TMEM259: variants seen among roughly 807,000 people sequenced by gnomAD.
The protein encoded by TMEM259 is membralin.
Under a neutral mutation model 46.7 loss-of-function variants are expected in TMEM259, and 26 were observed. The observed-to-expected ratio is 0.56, with a 90% confidence interval of 0.41 to 0.77. The LOEUF (loss-of-function observed/expected upper bound fraction) is 0.77. TMEM259 is among the 30% of genes least tolerant of loss of function. TMEM259 has a pLI of 0.00. For missense variants in TMEM259, 930 were observed against 900.5 expected (o/e 1.03, Z -0.42); for synonymous variants, 494 against 395.1 (o/e 1.25, Z -2.97).
intron 1 of TMEM259, among the ~76,000 whole-genome samples, chr19:1,016,498 C>T (rs2145601030): frequency 6.6e-6 from 1 of 152,376 alleles, no homozygotes; most frequent in South Asian, 2.1e-4. Flanking sequence ...CCCACACATC[C>T]AGCAGGAGCT....
chr19:1,018,952 C>T (rs1285514843), intron 1 of TMEM259, among the ~76,000 whole-genome samples: 2 of 149,976 alleles, frequency 1.3e-5, no homozygotes, highest in African/African-American at 4.9e-5. Context: ...CAAACCACTG[C>T]ACTCCAGCCT....
Position 1,011,485 on chromosome 19 carries a change from T to A in TMEM259, c.1099A>T (p.Met367Leu). The change falls in exon 9 of 11, where the codon ATG becomes TTG. Residue 367 changes from methionine to leucine, a missense_variant. Met to Leu is a conservative substitution (Grantham distance 15). Transcript: ENST00000356663. ...ILALVGMEAI[M>L]SEFFNDTTTA... is the part of the protein sequence containing the mutation. Reference sequence around the variant, plus strand: ...GTGGTGTCGTTGAAGAACTCCGACATGATGGCCTCCATCCCTGCAGGGAGA... The same window carrying A: ...GTGGTGTCGTTGAAGAACTCCGACAAGATGGCCTCCATCCCTGCAGGGAGA... 6.5e-7 allele frequency: 1 copy of A among 1,546,238 alleles called. No homozygotes were observed.
chr19:1,017,434 C>G, intron 1 of TMEM259: 1 of 400,308 alleles, frequency 2.5e-6, no homozygotes, highest in Non-Finnish European at 4.4e-6. Flanking sequence ...CACGGCCTTC[C>G]CACACGCTCT....
chr19:1,011,216 G>A (rs2240160), intron 9 of TMEM259, 21 bp from the exon 10 acceptor site: 340,286 of 1,567,526 alleles, frequency 0.22, 38,921 homozygotes, highest in East Asian at 0.45. Context: ...GGGTGAGGGC[G>A]TCGGGGCTGC....
chr19:1,012,292 G>A, intron 4 of TMEM259, 104 bp from the exon 5 acceptor site: 3 of 1,510,412 alleles, frequency 2.0e-6, no homozygotes, highest in African/African-American at 1.4e-5. Flanking sequence ...TCCTGGCCCT[G>A]CCCATTCTTA....
rs548752621 is a variant in TMEM259, at chr19:1,014,486, C to T, written c.226-13G>A. The T allele has an allele frequency of 1.9e-5, 31 of 1,600,370 alleles. No individual in the cohort carries two copies. Among genetic ancestry groups the T allele is most frequent in the African/African-American group, 2.7e-5 (2 of 74,778 alleles). On this transcript the variant is annotated splice_polypyrimidine_tract_variant and intron_variant, in intron 1 of 10. Coordinates refer to ENST00000356663, the MANE Select transcript of TMEM259 (RefSeq NM_001033026.2). The stretch of plus-strand genomic sequence containing the variant: ...GCACAAACAGGGCCTAGGGGGCGGC[C>T]GGCAGTCAGTGGGGCGCCCCAGGGC...
intron 4 of TMEM259, 68 bp downstream of exon 4, chr19:1,012,395 G>T (rs1027683067): frequency 2.0e-6 from 3 of 1,527,856 alleles, no homozygotes; most frequent in Non-Finnish European, 2.6e-6. Context: ...CGCACCAGCA[G>T]GAGGAGACCC....
At position 1,010,434 on chromosome 19, in the gene TMEM259, G is replaced by A. The variant is rs748974414; in HGVS notation, c.1779C>T (p.Asp593=). The A allele has an allele frequency of 1.3e-6, 2 of 1,533,590 alleles. No homozygotes were observed. Among genetic ancestry groups the A allele is most frequent in the Admixed American group, 4.3e-5 (2 of 46,652 alleles). 95.0% of individuals were successfully genotyped at this position (1,533,590 alleles called of 1,614,324 possible). ...CTACCGCAGCCCCCAGGGGAGTTGT[G>A]TCAGAAGCTGCGGAGTCACTCGGGG... is the stretch of plus-strand genomic sequence containing the variant. ...SVPPSDSAAS[D]TTPLGAAVGG... is the part of the protein sequence containing the mutation. The change falls in exon 11 of 11, where the codon GAC becomes GAT. Residue 593 remains aspartate, a synonymous_variant. Transcript: ENST00000356663.
rs2038848842 is a variant in TMEM259, at chr19:1,010,082, C to T, written c.*268G>A. ...CTCAGGACGGTTCACTGCAGACCTA[C>T]CAAGACCCCTCCAGAACCTTCCGCG... On this transcript the variant is annotated 3_prime_UTR_variant, in exon 11 of 11. Coordinates refer to ENST00000356663, the MANE Select transcript of TMEM259 (RefSeq NM_001033026.2). The T allele has an allele frequency of 4.3e-6, 2 of 466,226 alleles. No homozygotes were observed. 28.9% of individuals were successfully genotyped at this position (466,226 alleles called of 1,614,324 possible).
chr19:1,015,372 C>T (rs956826088), intron 1 of TMEM259, among the ~76,000 whole-genome samples: 2 of 152,208 alleles, frequency 1.3e-5, no homozygotes, highest in Admixed American at 1.3e-4. Flanking sequence ...CCCCGCAGTG[C>T]CCAGGACGGC....
intron 9 of TMEM259, 50 bp downstream of exon 9, chr19:1,011,316 CT>C: frequency 1.9e-6 from 3 of 1,546,454 alleles, no homozygotes; most frequent in South Asian, 1.2e-5. Flanking sequence ...TGGCAGCCCC[CT>C]ACCCCTGCCC....
chr19:1,011,369 C>A lies in TMEM259; in HGVS notation c.1215G>T (p.Leu405=), dbSNP rs751633008. The change falls in exon 9 of 11, where the codon CTG becomes CTT. Residue 405 remains leucine, a splice_region_variant and synonymous_variant. Transcript: ENST00000356663. ...CHTSTSKRHW[L]RFFYLYHFAF... is the part of the protein sequence containing the mutation. Reference sequence around the variant, plus strand: ...CCCTGCCCCCGCGCCACGCTCACCGCAGCCAATGCCGCTTGCTGGTGCTGG... The same window carrying A: ...CCCTGCCCCCGCGCCACGCTCACCGAAGCCAATGCCGCTTGCTGGTGCTGG... 6.4e-7 allele frequency: 1 copy of A among 1,573,100 alleles called. No homozygotes were observed. Among genetic ancestry groups the A allele is most frequent in the Non-Finnish European group, 8.6e-7 (1 of 1,161,000 alleles).
intron 1 of TMEM259, among the ~76,000 whole-genome samples, chr19:1,019,735 C>T (rs904132678): frequency 1.3e-5 from 2 of 152,218 alleles, no homozygotes; most frequent in Admixed American, 1.3e-4. Flanking sequence ...CATCGGACCC[C>T]TCTTTGCAGG....
chr19:1,016,768 G>C (rs1016352926), intron 1 of TMEM259, among the ~76,000 whole-genome samples: 1 of 152,194 alleles, frequency 6.6e-6, no homozygotes, highest in Non-Finnish European at 1.5e-5. Flanking sequence ...GGTTGCCCTG[G>C]GCAGGGTCAG....
At chr19:1,017,439 C>T (rs1199659576) in intron 1 of TMEM259, 9 of 400,236 alleles carry the variant, frequency 2.2e-5, no homozygotes, top group Non-Finnish European at 4.0e-5. Context: ...CCTTCCCACA[C>T]GCTCTCCAGC....
In TMEM259 at chr19:1,013,241, C is replaced by T; in HGVS notation, c.607G>A (p.Val203Met). 1.2e-6 allele frequency: 2 copies of T among 1,613,598 alleles called. No homozygotes were observed. The highest frequency in any genetic ancestry group is 1.7e-6 in the Non-Finnish European group (2 of 1,179,648). The change falls in exon 3 of 11, where the codon GTG (valine) becomes ATG (methionine). Residue 203 changes from valine to methionine, a missense_variant and splice_region_variant. Transcript: ENST00000356663. ...EFPFPETPTK[V>M]WPQDEYIVEY... ...AGTACACCTTTGGTGGGTGGCCTAC[C>T]TTTGGTGGGCGTCTCGGGGAAGGGG...
At position 1,020,786 on chromosome 19, in the gene TMEM259, A is replaced by G; in HGVS notation, c.211T>C (p.Phe71Leu). ...PPAFRRLFEF[F>L]VLLKALFVLF... ...GCCGCGGTCACCTTGAGCAGCACGA[A>G]GAACTCGAAGAGACGGCGGAAGGCG... Residue 71 changes from phenylalanine to leucine, a missense_variant, in exon 1 of 11, where the codon TTC (phenylalanine) becomes CTC (leucine). Coordinates refer to ENST00000356663, the MANE Select transcript of TMEM259 (RefSeq NM_001033026.2). This position sits in a 1 kb window ranked among gnomAD's most constrained non-coding sequence, Gnocchi z 4.0. The G allele has an allele frequency of 7.4e-7, 1 of 1,346,710 alleles. No homozygotes were observed. The highest frequency in any genetic ancestry group is 9.6e-7 in the Non-Finnish European group (1 of 1,044,556). 83.4% of individuals were successfully genotyped at this position (1,346,710 alleles called of 1,614,324 possible).
rs1363082929 is a variant in TMEM259 at position 1,012,107 on chromosome 19, A to G, written c.800T>C (p.Met267Thr). Residue 267 changes from methionine to threonine, a missense_variant, in exon 5 of 11, where the codon ATG becomes ACG. Coordinates refer to ENST00000356663, the MANE Select transcript of TMEM259 (RefSeq NM_001033026.2). ...DEFLGYDDIL[M>T]SSVKGLAENE... The stretch of plus-strand genomic sequence containing the variant: ...CTCGGCCAGGCCCTTCACGCTGGAC[A>G]TGAGGATGTCATCGTAGCCCAGGAA... The G allele has an allele frequency of 1.9e-6, 3 of 1,611,442 alleles. No individual in the cohort carries two copies. The highest frequency in any genetic ancestry group is 2.5e-6 in the Non-Finnish European group (3 of 1,179,328).
At chr19:1,014,058 G>A (rs1045772666) in intron 2 of TMEM259, 134 bp downstream of exon 2, 2 of 1,146,622 alleles carry the variant, frequency 1.7e-6, no homozygotes, top group African/African-American at 1.6e-5. Context: ...GCAGGCAGGG[G>A]CGGCCTTGTC....
Sources: allele counts gnomAD v4.1 joint callset (sites outside exome capture counted in the v4.1 genomes callset), GRCh38; gene constraint gnomAD v4.1.1; non-coding constraint Gnocchi (gnomAD v3.1); transcripts MANE v1.5; gene names NCBI Gene and HGNC (gene_info 2026-07-23, HGNC 2026-07-21).